The following IL4I1 variants were observed in gnomAD, a reference collection of about 807,000 sequenced individuals.
The protein encoded by IL4I1 is interleukin 4 induced 1.
In IL4I1, 24 loss-of-function variants were observed where a neutral mutation model predicts 29.7. The ratio of observed to expected loss-of-function variants is 0.81; its 90% CI spans 0.59 to 1.14. IL4I1 has a LOEUF of 1.14. Among genes scored for constraint, IL4I1 ranks in the 50% most tolerant of loss-of-function variants. The pLI is 0.00. For synonymous variants in IL4I1, 371 were observed against 352.5 expected (o/e 1.05, Z -0.59); for missense variants, 686 against 785.6 (o/e 0.87, Z 1.52).
intron 2 of IL4I1, among the ~76,000 whole-genome samples, chr19:49,917,300 C>T (rs1159731017): frequency 2.0e-5 from 3 of 152,260 alleles, no homozygotes; most frequent in Non-Finnish European, 4.4e-5. Context: ...CCAGGACCAT[C>T]TCCATGAGTG....
Position 49,908,174 on chromosome 19 carries a change from AGAC to A in IL4I1, c.-227-3856_-227-3854del, listed in dbSNP as rs1277439580. 1.4e-5 allele frequency: 22 copies of A among 1,585,934 alleles called. No individual in the cohort carries two copies. In the East Asian group the frequency reaches 4.8e-4, roughly 34 times the overall value. On this transcript the variant is annotated intron_variant, in intron 2 of 9. Transcript: ENST00000341114. The stretch of plus-strand genomic sequence containing the variant: ...GTATCTTGCCACAACCCCAAACTAC[AGAC>A]AACAGGGCGCATTCCCCTCATGAAC...
chr19:49,892,132 A>G (rs1249446603), intron 5 of IL4I1, among the ~76,000 whole-genome samples: 1 of 127,598 alleles, frequency 7.8e-6, no homozygotes, highest in African/African-American at 3.1e-5. Flanking sequence ...CCCAGGCTGG[A>G]GTGCAGTGGC....
intron 2 of IL4I1, among the ~76,000 whole-genome samples, chr19:49,922,007 G>T (rs1216071269): frequency 6.6e-6 from 1 of 152,158 alleles, no homozygotes; most frequent in African/African-American, 2.4e-5. Context: ...CGACCACGAG[G>T]GACCAAGACA....
At chr19:49,918,914 T>TG (rs1347873056) in intron 2 of IL4I1, among the ~76,000 whole-genome samples, 21 of 31,420 alleles carry the variant, frequency 6.7e-4, no homozygotes, top group African/African-American at 8.9e-4. Context: ...GGGGGCGGGG[T>TG]GTGGGGGGGC....
At chr19:49,909,034 T>G in intron 2 of IL4I1, 15 of 1,613,198 alleles carry the variant, frequency 9.3e-6, no homozygotes, top group Non-Finnish European at 1.3e-5. Flanking sequence ...CAGGTGCCTT[T>G]AAGCTGAAGC....
intron 2 of IL4I1, among the ~76,000 whole-genome samples, chr19:49,924,053 G>C (rs981724564): frequency 6.6e-6 from 1 of 152,214 alleles, no homozygotes; most frequent in African/African-American, 2.4e-5. Context: ...CACGGTGCAG[G>C]TGCAGGCAGG....
intron 2 of IL4I1, among the ~76,000 whole-genome samples, chr19:49,919,090 T>G (rs569580445): frequency 6.6e-6 from 1 of 151,100 alleles, no homozygotes; most frequent in Non-Finnish European, 1.5e-5. Context: ...GAGGCGGAGG[T>G]TGCAGTGAGC....
intron 2 of IL4I1, among the ~76,000 whole-genome samples, chr19:49,915,762 G>A (rs1212252805): frequency 6.6e-6 from 1 of 152,206 alleles, no homozygotes; most frequent in Non-Finnish European, 1.5e-5. Context: ...AAAGTGAGGT[G>A]TGATTCTGAA....
At chr19:49,894,241 C>A (rs752893440) in intron 5 of IL4I1, 27 bp downstream of exon 5, 2 of 1,600,554 alleles carry the variant, frequency 1.2e-6, no homozygotes, top group African/African-American at 1.3e-5. Context: ...GAAGTCAGGG[C>A]GGGAGGAGGG....
chr19:49,914,864 C>T (rs1271283601), intron 2 of IL4I1, among the ~76,000 whole-genome samples: 2 of 151,098 alleles, frequency 1.3e-5, no homozygotes, highest in African/African-American at 4.9e-5. Flanking sequence ...CTCAGCCTCC[C>T]GAGTAGCTGG....
intron 3 of IL4I1, among the ~76,000 whole-genome samples, chr19:49,902,359 C>CTTTT (rs1207280960): frequency 3.4e-5 from 4 of 118,634 alleles, no homozygotes; most frequent in Non-Finnish European, 5.4e-5. Flanking sequence ...GCAGCCATTT[C>CTTTT]TTTTTTTTTT....
intron 2 of IL4I1, chr19:49,912,926 G>T (rs1306811842): frequency 6.6e-6 from 1 of 152,246 alleles, no homozygotes; most frequent in Non-Finnish European, 1.5e-5. Context: ...CTTTGGGGCA[G>T]ATCCACTTGA....
At position 49,889,857 on chromosome 19, in the gene IL4I1, C is replaced by T. The variant is rs1171798785; in HGVS notation, c.1517G>A (p.Ser506Asn). 1.1e-5 allele frequency: 17 copies of T among 1,593,880 alleles called. No homozygotes were observed. Among genetic ancestry groups the T allele is most frequent in the South Asian group, 7.8e-5 (7 of 89,288 alleles). Residue 506 changes from serine to asparagine, a missense_variant, in exon 8 of 8, where the codon AGC becomes AAC. Ser to Asn is a conservative substitution (Grantham distance 46, BLOSUM62 1). Coordinates refer to ENST00000391826, the MANE Select transcript of IL4I1 (RefSeq NM_152899.2). ...SALRAAIKIN[S>N]RKGPASDTAS... is the part of the protein sequence containing the mutation. ...CGTGTCCGATGCAGGCCCCTTCCGG[C>T]TGTTGATCTTGATGGCGGCGCGCAG...
intron 2 of IL4I1, among the ~76,000 whole-genome samples, chr19:49,924,737 A>G (rs1001450627): frequency 6.6e-6 from 1 of 152,190 alleles, no homozygotes; most frequent in South Asian, 2.1e-4. Context: ...GCTATGAACT[A>G]GAACAGGCTG....
chr19:49,907,938 A>C (rs1176266781), intron 2 of IL4I1: 1 of 511,478 alleles, frequency 2.0e-6, no homozygotes, highest in Non-Finnish European at 3.5e-6. Context: ...GACCATCAGC[A>C]CTTCTCCATC....
At chr19:49,891,153 C>A (rs1397282516) in intron 6 of IL4I1, 46 bp from the exon 7 acceptor site, 10 of 1,594,242 alleles carry the variant, frequency 6.3e-6, no homozygotes, top group Non-Finnish European at 8.5e-6. Flanking sequence ...GCAGGCTGCA[C>A]CCCTGAGAGA....
intron 2 of IL4I1, among the ~76,000 whole-genome samples, chr19:49,916,343 G>A (rs954249760): frequency 4.6e-5 from 7 of 151,070 alleles, no homozygotes; most frequent in Non-Finnish European, 1.5e-5. Flanking sequence ...CCAACATGGT[G>A]TATCTTTTGT....
chr19:49,909,508 G>A (rs761088251), intron 2 of IL4I1: 1 of 1,614,160 alleles, frequency 6.2e-7, no homozygotes, highest in Non-Finnish European at 8.5e-7. Context: ...CAGCTGTGTT[G>A]CTCAAGTTGA....
chr19:49,890,212 G>A lies in IL4I1; in HGVS notation c.1162C>T (p.Pro388Ser). Residue 388 changes from proline to serine, a missense_variant, in exon 8 of 8, where the codon CCG (proline) becomes TCG (serine). Transcript: ENST00000391826. The stretch of plus-strand genomic sequence containing the variant: ...GCCAGCAGCAGCGCGCCCTCGCGCG[G>A]CGGCGGGTAGAAAATCATGCGCGAC... ...RPSRMIFYPP[P>S]REGALLLASY... 6.5e-7 allele frequency: 1 copy of A among 1,549,642 alleles called. No individual in the cohort carries two copies. Among genetic ancestry groups the A allele is most frequent in the Non-Finnish European group, 8.7e-7 (1 of 1,146,218 alleles).
Sources: allele counts gnomAD v4.1 joint callset (sites outside exome capture counted in the v4.1 genomes callset), GRCh38; gene constraint gnomAD v4.1.1; transcripts MANE v1.5; gene names NCBI Gene and HGNC (gene_info 2026-07-23, HGNC 2026-07-21).